The following BAIAP2L1 variants were observed in gnomAD, a reference collection of about 807,000 sequenced individuals.
The protein encoded by BAIAP2L1 is BAR/IMD domain-containing adapter protein 2-like 1.
BAIAP2L1 carries 35 observed loss-of-function variants against 66.3 expected under a neutral mutation model. The observed-to-expected ratio is 0.53, with a 90% CI of 0.40 to 0.70. The LOEUF is 0.70. Ranked by LOEUF, BAIAP2L1 falls within the 30% of genes least tolerant of loss-of-function variation. BAIAP2L1 has a pLI of 0.00. For synonymous variants in BAIAP2L1, 269 were observed against 248.7 expected (o/e 1.08, Z -0.77); for missense variants, 622 against 656.9 (o/e 0.95, Z 0.58).
At position 98,386,016 on chromosome 7, in the gene BAIAP2L1, G is replaced by A. The variant is rs1340748394; in HGVS notation, c.51+14786C>T. Reference sequence around the variant, plus strand: ...CCTTTTCTATGTCTTTTCCAATGCTGTCTGGAATCAATTTATTGACCACTT... The same window carrying A: ...CCTTTTCTATGTCTTTTCCAATGCTATCTGGAATCAATTTATTGACCACTT... On this transcript the variant is annotated intron_variant, in intron 1 of 13. Coordinates refer to ENST00000005260, the MANE Select transcript of BAIAP2L1 (RefSeq NM_018842.5). The A allele has an allele frequency of 2.9e-6, 4 of 1,382,204 alleles. No individual in the cohort carries two copies. In the Admixed American group the frequency reaches 5.0e-5, roughly 17 times the overall value. 85.6% of individuals were successfully genotyped at this position (1,382,204 alleles called of 1,614,324 possible).
chr7:98,389,688 T>C (rs1802980641), intron 1 of BAIAP2L1, among the ~76,000 whole-genome samples: 1 of 152,162 alleles, frequency 6.6e-6, no homozygotes, highest in East Asian at 1.9e-4. Flanking sequence ...CTTGTCCCTG[T>C]TGTCACCTGC....
At chr7:98,384,575 G>A (rs758915358) in intron 1 of BAIAP2L1, among the ~76,000 whole-genome samples, 7 of 152,094 alleles carry the variant, frequency 4.6e-5, no homozygotes, top group East Asian at 1.9e-4. Flanking sequence ...GAACTTTATC[G>A]GATCAAAGTA....
At position 98,292,736 on chromosome 7, in the gene BAIAP2L1, G is replaced by C; in HGVS notation, c.*785C>G. 3 of 1,551,450 alleles carry C rather than the reference G, an allele frequency of 1.9e-6. No homozygotes were observed. The highest frequency in any genetic ancestry group is 1.7e-4 in the Middle Eastern group (1 of 5,990). On this transcript the variant is annotated 3_prime_UTR_variant, in exon 14 of 14. Coordinates refer to ENST00000005260, the MANE Select transcript of BAIAP2L1 (RefSeq NM_018842.5). ...GACCCCGAGCAGTTTGAGTGTACTG[G>C]TAATGGATGCAGCTTTGGCCAACTA...
intron 1 of BAIAP2L1, among the ~76,000 whole-genome samples, chr7:98,389,099 G>C (rs1221762058): frequency 6.6e-6 from 1 of 152,048 alleles, no homozygotes; most frequent in African/African-American, 2.4e-5. Context: ...GAAACAGATT[G>C]GTCTATTAAC....
intron 12 of BAIAP2L1, among the ~76,000 whole-genome samples, chr7:98,296,383 T>C (rs1199089728): frequency 6.6e-6 from 1 of 152,200 alleles, no homozygotes; most frequent in African/African-American, 2.4e-5. Flanking sequence ...CCCAGCACTT[T>C]GGGAGGCTGA....
chr7:98,334,707 A>G (rs11761206), intron 3 of BAIAP2L1, among the ~76,000 whole-genome samples: 60,990 of 151,350 alleles, frequency 0.4, 13,251 homozygotes, highest in Middle Eastern at 0.54. Context: ...CACCACGCCC[A>G]GCTACTTTTT....
intron 1 of BAIAP2L1, among the ~76,000 whole-genome samples, chr7:98,399,747 C>T (rs1803307165): frequency 6.6e-6 from 1 of 152,206 alleles, no homozygotes; most frequent in South Asian, 2.1e-4. Flanking sequence ...GCCACTAATC[C>T]TAAGTCTCTG....
intron 11 of BAIAP2L1, 116 bp downstream of exon 11, chr7:98,306,323 C>G: frequency 8.1e-7 from 1 of 1,238,236 alleles, no homozygotes; most frequent in East Asian, 2.3e-5. Context: ...TCTGACTAGT[C>G]CACGAGAGCT....
chr7:98,345,423 C>T (rs146983361), intron 3 of BAIAP2L1, among the ~76,000 whole-genome samples: 124 of 151,750 alleles, frequency 8.2e-4, no homozygotes, highest in African/African-American at 2.9e-3. Flanking sequence ...TGCAAATGGT[C>T]AGTAAGAACA....
intron 2 of BAIAP2L1, 91 bp from the exon 3 acceptor site, chr7:98,355,219 T>C: frequency 1.1e-6 from 1 of 889,538 alleles, no homozygotes; most frequent in Admixed American, 2.0e-5. Flanking sequence ...CCTGGTCCCT[T>C]CTGGCTGCAG....
intron 3 of BAIAP2L1, among the ~76,000 whole-genome samples, chr7:98,322,489 T>C (rs1335855078): frequency 1.3e-5 from 2 of 152,104 alleles, no homozygotes; most frequent in African/African-American, 4.8e-5. Flanking sequence ...GACAATCCCT[T>C]GGGGATAGGA....
chr7:98,401,009 C>T lies in BAIAP2L1; in HGVS notation c.-157G>A. On this transcript the variant is annotated 5_prime_UTR_variant, in exon 1 of 14. Coordinates refer to ENST00000005260, the MANE Select transcript of BAIAP2L1 (RefSeq NM_018842.5). The stretch of plus-strand genomic sequence containing the variant: ...CCGAGAGTGCCCGCGCGCGTCTCCG[C>T]TGCGAAAATGTCAAAACTTGCGGCA... The T allele has an allele frequency of 1.8e-6, 1 of 551,028 alleles. No homozygotes were observed. Among genetic ancestry groups the T allele is most frequent in the Non-Finnish European group, 2.8e-6 (1 of 361,242 alleles). 34.1% of individuals were successfully genotyped at this position (551,028 alleles called of 1,614,324 possible).
chr7:98,392,967 T>A (rs916296074), intron 1 of BAIAP2L1, among the ~76,000 whole-genome samples: 4 of 150,678 alleles, frequency 2.7e-5, no homozygotes, highest in African/African-American at 9.7e-5. Context: ...TGATTTTTAT[T>A]TATATATATA....
chr7:98,382,968 C>T (rs540387934), intron 1 of BAIAP2L1, among the ~76,000 whole-genome samples: 1 of 151,904 alleles, frequency 6.6e-6, no homozygotes, highest in Non-Finnish European at 1.5e-5. Context: ...TCGAGACCAG[C>T]CTGACCAACA....
chr7:98,381,066 C>A (rs1377336091), intron 1 of BAIAP2L1, among the ~76,000 whole-genome samples: 2 of 152,170 alleles, frequency 1.3e-5, no homozygotes, highest in Non-Finnish European at 2.9e-5. Flanking sequence ...GCCTATGGAG[C>A]CGTCCACAGC....
rs937038777 is a variant in BAIAP2L1 at position 98,395,657 on chromosome 7, T to TA, written c.51+5144dup. ...AATAAAAAGTTTTAAAAACAAATTT[T>TA]AAAATATATTTGCATGTGTCAGCAG... is the stretch of plus-strand genomic sequence containing the variant. On this transcript the variant is annotated intron_variant, in intron 1 of 13. Transcript: ENST00000005260. Among the ~76,000 whole-genome samples, 15 of 152,198 alleles carry TA rather than the reference T, an allele frequency of 9.9e-5. 1 individual carries two copies. Among genetic ancestry groups the TA allele is most frequent in the African/African-American group, 3.6e-4 (15 of 41,454 alleles).
intron 1 of BAIAP2L1, among the ~76,000 whole-genome samples, chr7:98,388,492 C>T (rs187414651): frequency 8.4e-6 from 1 of 118,854 alleles, no homozygotes; most frequent in African/African-American, 2.7e-5. Context: ...GACTCCCTCT[C>T]AAAAACAAAA....
chr7:98,293,355 C>T lies in BAIAP2L1; in HGVS notation c.*166G>A. 1.6e-6 allele frequency: 1 copy of T among 623,098 alleles called. No individual in the cohort carries two copies. The highest frequency in any genetic ancestry group is 2.8e-6 in the Non-Finnish European group (1 of 354,938). The allele number at this position is 623,098 out of a possible 1,614,324, so 38.6% of individuals were successfully genotyped here. A position where few individuals can be genotyped will look rare whatever the true frequency, so the allele number is the denominator to read the frequency against. On this transcript the variant is annotated 3_prime_UTR_variant, in exon 14 of 14. Coordinates refer to ENST00000005260, the MANE Select transcript of BAIAP2L1 (RefSeq NM_018842.5). ...ATTTATCTTAAAGGCAGAAACTTGT[C>T]AACCCAACTACGTGAAACAGAGAAG...
intron 12 of BAIAP2L1, among the ~76,000 whole-genome samples, chr7:98,295,244 G>A (rs1327653440): frequency 6.6e-6 from 1 of 152,182 alleles, no homozygotes; most frequent in Non-Finnish European, 1.5e-5. Context: ...TACAGGCTGT[G>A]GAGACGGAAG....
Sources: gnomAD v4.1 joint callset for allele counts (sites outside exome capture counted in the v4.1 genomes callset) on GRCh38, gnomAD v4.1.1 for gene constraint, MANE v1.5 for transcripts, NCBI Gene and HGNC (gene_info 2026-07-23, HGNC 2026-07-21) for gene names.